PRKG1: variants seen among roughly 807,000 people sequenced by gnomAD.
PRKG1 encodes protein kinase cGMP-dependent 1.
PRKG1 carries 35 observed loss-of-function variants against 88.1 expected under a neutral mutation model. That is an observed-to-expected ratio of 0.40 (90% CI 0.30 to 0.53). The LOEUF (loss-of-function observed/expected upper bound fraction) is 0.53. Among genes scored for constraint, PRKG1 ranks in the 20% least tolerant of loss-of-function variants. The pLI is 0.59. For synonymous variants in PRKG1, 303 were observed against 292.5 expected (o/e 1.04, Z -0.37); for missense variants, 540 against 839.8 (o/e 0.64, Z 4.41).
chr10:51,451,793 C>T (rs1377742368), intron 2 of PRKG1, among the ~76,000 whole-genome samples: 4 of 151,772 alleles, frequency 2.6e-5, no homozygotes, highest in South Asian at 2.1e-4. Context: ...GATAATTTGA[C>T]GTTCTTTGAA....
chr10:51,662,015 G>T (rs1276531367), intron 3 of PRKG1, among the ~76,000 whole-genome samples: 2 of 152,062 alleles, frequency 1.3e-5, no homozygotes, highest in Non-Finnish European at 2.9e-5. Flanking sequence ...CTCATAGGTG[G>T]GAATTGAACA....
At chr10:52,138,204 C>G (rs1056663595) in intron 8 of PRKG1, among the ~76,000 whole-genome samples, 1 of 151,896 alleles carries the variant, frequency 6.6e-6, no homozygotes, top group African/African-American at 2.4e-5. Flanking sequence ...TTGCCCCCTA[C>G]TCCTAGGACA....
chr10:52,181,317 G>C (rs1839019729), intron 9 of PRKG1, among the ~76,000 whole-genome samples: 1 of 150,922 alleles, frequency 6.6e-6, no homozygotes, highest in Non-Finnish European at 1.5e-5. Flanking sequence ...TGCTCAGTCA[G>C]TTTGAGGTCA....
At chr10:51,668,018 A>G (rs2132342621) in intron 3 of PRKG1, among the ~76,000 whole-genome samples, 1 of 152,254 alleles carries the variant, frequency 6.6e-6, no homozygotes. Context: ...TCACTGACAT[A>G]AAATTTAGGT....
chr10:52,072,158 C>CTTTTTTTTTTTTTTTTT (rs60576406), intron 7 of PRKG1, among the ~76,000 whole-genome samples: 90 of 39,562 alleles, frequency 2.3e-3, no homozygotes, highest in South Asian at 3.4e-3. Flanking sequence ...TATTGTTTTG[C>CTTTTTTTTTTTTTTTTT]TTTTTTTTTT....
At chr10:51,392,460 AT>A (rs1837431420) in intron 2 of PRKG1, among the ~76,000 whole-genome samples, 1 of 152,208 alleles carries the variant, frequency 6.6e-6, no homozygotes, top group Non-Finnish European at 1.5e-5. Context: ...AAGGTCACAG[AT>A]CCACAGGATC....
At chr10:52,264,593 C>T (rs1481913937) in intron 10 of PRKG1, among the ~76,000 whole-genome samples, 1 of 152,046 alleles carries the variant, frequency 6.6e-6, no homozygotes, top group Non-Finnish European at 1.5e-5. Context: ...TAAAAAATGG[C>T]TTTATGCTTC....
At chr10:51,018,942 T>C (rs915568226) in intron 1 of PRKG1, among the ~76,000 whole-genome samples, 1 of 152,204 alleles carries the variant, frequency 6.6e-6, no homozygotes, top group African/African-American at 2.4e-5. Context: ...ACTTAGGAAA[T>C]ACATTTTATA....
At chr10:52,097,556 T>C (rs1847200347) in intron 7 of PRKG1, among the ~76,000 whole-genome samples, 1 of 152,122 alleles carries the variant, frequency 6.6e-6, no homozygotes, top group African/African-American at 2.4e-5. Context: ...GCATTTGTTT[T>C]GTTTTGTTTT....
intron 9 of PRKG1, among the ~76,000 whole-genome samples, chr10:52,245,797 ATTTATTTG>A (rs1841009056): frequency 2.7e-5 from 3 of 111,990 alleles, no homozygotes; most frequent in Non-Finnish European, 3.8e-5. Context: ...TTATTTATTT[ATTTATTTG>A]TTGGAGGCAC....
At chr10:51,612,500 A>G (rs1438785770) in intron 3 of PRKG1, among the ~76,000 whole-genome samples, 11 of 151,992 alleles carry the variant, frequency 7.2e-5, no homozygotes. Flanking sequence ...ATTTTACTGA[A>G]TTTATGACTT....
At chr10:51,443,720 G>A (rs190918740) in intron 2 of PRKG1, among the ~76,000 whole-genome samples, 2 of 152,104 alleles carry the variant, frequency 1.3e-5, no homozygotes, top group African/African-American at 4.8e-5. Context: ...TTGTCAGCAA[G>A]TGGACATAAT....
At chr10:51,120,645 A>G (rs895476100) in intron 1 of PRKG1, among the ~76,000 whole-genome samples, 2 of 152,184 alleles carry the variant, frequency 1.3e-5, no homozygotes, top group Non-Finnish European at 2.9e-5. Context: ...TGGACTTGGT[A>G]TACTTGACTT....
intron 3 of PRKG1, chr10:51,696,116 G>C (rs754255455): frequency 3.9e-5 from 6 of 152,150 alleles, no homozygotes; most frequent in African/African-American, 1.4e-4. Context: ...CATGCAAAAA[G>C]TAAAATGAGC....
chr10:51,188,284 C>T lies in PRKG1; in HGVS notation c.478+34954C>T, dbSNP rs192993013. The stretch of plus-strand genomic sequence containing the variant: ...CACAGATTCTAAGGAGAATAGCACA[C>T]GTGAGTAACTTTAGAAATACATGAG... On this transcript the variant is annotated intron_variant, in intron 2 of 17. Coordinates refer to ENST00000373980, the MANE Select transcript of PRKG1 (RefSeq NM_006258.4). Among the ~76,000 whole-genome samples the T allele has an allele frequency of 2.4e-3, 362 of 152,044 alleles. 1 individual carries two copies. The highest frequency in any genetic ancestry group is 8.2e-3 in the African/African-American group (340 of 41,516).
At chr10:52,139,096 C>T in intron 8 of PRKG1, among the ~76,000 whole-genome samples, 1 of 152,032 alleles carries the variant, frequency 6.6e-6, no homozygotes. Flanking sequence ...ATAGATTTGG[C>T]ATTAGAGCTA....
chr10:51,364,917 T>C (rs1842558395), intron 2 of PRKG1, among the ~76,000 whole-genome samples: 1 of 151,916 alleles, frequency 6.6e-6, no homozygotes, highest in African/African-American at 2.4e-5. Context: ...TATAACCACG[T>C]AAACTCTATA....
At chr10:51,513,003 G>T (rs1434027609) in intron 3 of PRKG1, among the ~76,000 whole-genome samples, 5 of 148,582 alleles carry the variant, frequency 3.4e-5, no homozygotes, top group African/African-American at 1.2e-4. Flanking sequence ...CTTTTGAGAA[G>T]TGTCTGTTCA....
At chr10:51,202,804 G>A (rs913889605) in intron 2 of PRKG1, among the ~76,000 whole-genome samples, 1 of 152,214 alleles carries the variant, frequency 6.6e-6, no homozygotes, top group African/African-American at 2.4e-5. Flanking sequence ...GAGCCATAAT[G>A]TGGCATGCCT....
Sources: gnomAD v4.1 joint callset for allele counts (sites outside exome capture counted in the v4.1 genomes callset) on GRCh38, gnomAD v4.1.1 for gene constraint, MANE v1.5 for transcripts, NCBI Gene and HGNC (gene_info 2026-07-23, HGNC 2026-07-21) for gene names.